The following UBN2 variants were observed in gnomAD, a reference collection of about 807,000 sequenced individuals.
UBN2 encodes ubinuclein-2.
Under a neutral mutation model 120.2 loss-of-function variants are expected in UBN2, and 35 were observed. That is an observed-to-expected ratio of 0.29 (90% confidence interval 0.22 to 0.39). The LOEUF is 0.39. UBN2 is among the 10% of genes least tolerant of loss of function. UBN2 has a pLI of 1.00. For missense variants in UBN2, 1,693 were observed against 1,663.2 expected (o/e 1.02, Z -0.31); for synonymous variants, 661 against 648.7 (o/e 1.02, Z -0.29).
intron 12 of UBN2, chr7:139,277,530 T>C (rs1168636932): frequency 2.0e-5 from 3 of 152,248 alleles, no homozygotes; most frequent in Non-Finnish European, 4.4e-5. Flanking sequence ...TAGGTTGAAG[T>C]GAATCATCAT....
At position 139,247,651 on chromosome 7, in the gene UBN2, CAGTGAATGGT is replaced by C. The variant is rs936170270; in HGVS notation, c.562-4302_562-4293del. Among the ~76,000 whole-genome samples, 21 of 152,304 alleles carry C rather than the reference CAGTGAATGGT, an allele frequency of 1.4e-4. No homozygotes were observed. In the South Asian group the frequency reaches 2.3e-3, roughly 17 times the overall value. On this transcript the variant is annotated intron_variant, in intron 2 of 17. Coordinates refer to ENST00000473989, the MANE Select transcript of UBN2 (RefSeq NM_173569.4). ...TAGGATCTGATGCAAAGTTAGCATT[CAGTGAATGGT>C]AGCTTGGTATTTAAATATATATTTT... is the stretch of plus-strand genomic sequence containing the variant.
the UBN2 span, among the ~76,000 whole-genome samples, chr7:139,313,631 C>G: frequency 6.6e-6 from 1 of 152,182 alleles, no homozygotes; most frequent in African/African-American, 2.4e-5. Context: ...AACGTGGCAT[C>G]TTTGTTCCAT....
At chr7:139,294,915 A>G (rs1420249964) in intron 17 of UBN2, among the ~76,000 whole-genome samples, 2 of 152,210 alleles carry the variant, frequency 1.3e-5, no homozygotes, top group African/African-American at 4.8e-5. Context: ...GAAATCTGAC[A>G]TTAGGCAGTC....
At chr7:139,239,551 CTT>C (rs774812960) in intron 2 of UBN2, among the ~76,000 whole-genome samples, 4 of 94,564 alleles carry the variant, frequency 4.2e-5, no homozygotes, top group East Asian at 3.0e-4. Context: ...ATTAGAGTGT[CTT>C]TTTTTTTTTT....
intron 15 of UBN2, among the ~76,000 whole-genome samples, chr7:139,291,689 C>T (rs1797962659): frequency 6.6e-6 from 1 of 151,550 alleles, no homozygotes; most frequent in Non-Finnish European, 1.5e-5. Context: ...TCTACAAAAA[C>T]ATATTGAAAA....
intron 15 of UBN2, among the ~76,000 whole-genome samples, chr7:139,291,907 AT>A (rs1459753332): frequency 6.6e-6 from 1 of 152,146 alleles, no homozygotes; most frequent in Non-Finnish European, 1.5e-5. Context: ...ATGGAAAAAA[AT>A]GATTTAATTG....
chr7:139,282,217 AAAT>A (rs1224007581), intron 14 of UBN2, among the ~76,000 whole-genome samples, 162 bp downstream of exon 14: 1 of 152,216 alleles, frequency 6.6e-6, no homozygotes, highest in African/African-American at 2.4e-5. Context: ...TTATCTTTAA[AAAT>A]AAATAGTTGC....
chr7:139,259,357 C>T lies in UBN2; in HGVS notation c.892C>T (p.Pro298Ser). 2 of 1,613,820 alleles carry T rather than the reference C, an allele frequency of 1.2e-6. No individual in the cohort carries two copies. The highest frequency in any genetic ancestry group is 1.7e-4 in the Middle Eastern group (1 of 6,060). ...GGAGAAGAAGCCAAGGAAAAAAGTT[C>T]CCAAACAACTGGGGTACGTTAAATT... ...EKEKKPRKKV[P>S]KQLGVVALNS... is the part of the protein sequence containing the mutation. The change falls in exon 5 of 18, where the codon CCC (proline) becomes TCC (serine). Residue 298 changes from proline to serine, a missense_variant. Around this residue, in one of 5 missense-constraint regions of UBN2, gnomAD observed 663 missense variants for 591.2 expected, o/e 1.12. Transcript: ENST00000473989.
In UBN2 at chr7:139,293,260, A is replaced by T. The variant is rs1350007568; in HGVS notation, c.3698A>T (p.Asn1233Ile). The T allele has an allele frequency of 1.9e-6, 3 of 1,614,166 alleles. No homozygotes were observed. The Admixed American group carries it at 5.0e-5, about 27-fold the overall frequency. Residue 1233 changes from asparagine (N) to isoleucine (I), a missense_variant, in exon 16 of 18, where the codon AAT (asparagine) becomes ATT (isoleucine). By Grantham distance (149) the Asn-to-Ile change is moderately radical. Transcript: ENST00000473989. ...ACAGCAGGAGCATCATTATTGGCTA[A>T]TGCCTCACCTCTGACTCTCATGACA... ...QSTAGASLLA[N>I]ASPLTLMTSP...
intron 3 of UBN2, among the ~76,000 whole-genome samples, chr7:139,255,494 G>A (rs569295760): frequency 3.3e-5 from 5 of 152,142 alleles, no homozygotes; most frequent in Non-Finnish European, 5.9e-5. Flanking sequence ...GATAAATTTT[G>A]TAGATACGAA....
chr7:139,244,160 A>G (rs1022075982), intron 2 of UBN2, among the ~76,000 whole-genome samples: 3 of 152,198 alleles, frequency 2.0e-5, no homozygotes, highest in Admixed American at 2.0e-4. Flanking sequence ...GTGGGCAGTC[A>G]CATATTTCAA....
chr7:139,327,385 A>G, the UBN2 span, among the ~76,000 whole-genome samples: 382 of 152,372 alleles, frequency 2.5e-3, 1 homozygote, highest in African/African-American at 8.7e-3. Flanking sequence ...TTGTGTTACT[A>G]TCACAGAATA....
chr7:139,297,525 T>G (rs1334163215), intron 17 of UBN2, among the ~76,000 whole-genome samples: 1 of 152,196 alleles, frequency 6.6e-6, no homozygotes, highest in Non-Finnish European at 1.5e-5. Flanking sequence ...ACGTAAATGA[T>G]AAATACTTGT....
intron 12 of UBN2, 98 bp from the exon 13 acceptor site, chr7:139,279,220 A>G: frequency 1.0e-6 from 1 of 952,458 alleles, no homozygotes. Flanking sequence ...TCCAAATAGC[A>G]GAAGGAATTA....
chr7:139,250,454 G>A (rs576210556), intron 2 of UBN2, among the ~76,000 whole-genome samples: 70 of 151,420 alleles, frequency 4.6e-4, no homozygotes, highest in African/African-American at 1.6e-3. Flanking sequence ...GGCTGGTCTC[G>A]AACTCCTGGC....
intron 3 of UBN2, among the ~76,000 whole-genome samples, chr7:139,256,675 T>G (rs1208433571): frequency 6.6e-6 from 1 of 152,236 alleles, no homozygotes; most frequent in East Asian, 1.9e-4. Flanking sequence ...AAATTATTAC[T>G]GTCTTTTCAC....
At chr7:139,232,006 G>A in intron 1 of UBN2, 54 bp downstream of exon 1, 2 of 1,537,334 alleles carry the variant, frequency 1.3e-6, no homozygotes, top group Non-Finnish European at 1.8e-6. Flanking sequence ...AGGACCCGCC[G>A]CCTTCCCCAG....
At chr7:139,249,570 G>A (rs1163589989) in intron 2 of UBN2, among the ~76,000 whole-genome samples, 1 of 152,106 alleles carries the variant, frequency 6.6e-6, no homozygotes, top group Admixed American at 6.5e-5. Flanking sequence ...AGAGGTATGC[G>A]GTTTGAGAGC....
At chr7:139,237,613 A>G (rs1425110493) in intron 2 of UBN2, among the ~76,000 whole-genome samples, 1 of 152,074 alleles carries the variant, frequency 6.6e-6, no homozygotes. Flanking sequence ...ATTATCTCCA[A>G]TCTTTGTAAC....
Sources: gnomAD v4.1 joint callset for allele counts (sites outside exome capture counted in the v4.1 genomes callset) on GRCh38, gnomAD v4.1.1 for gene constraint, gnomAD v4.1.1 regional missense constraint, MANE v1.5 for transcripts, NCBI Gene and HGNC (gene_info 2026-07-23, HGNC 2026-07-21) for gene names.